SLCO2B1: variants seen among roughly 807,000 people sequenced by gnomAD.
SLCO2B1 encodes the protein OATP-RP2.
In SLCO2B1, 41 loss-of-function variants were observed where a neutral mutation model predicts 67.3. The observed-to-expected ratio is 0.61, with a 90% CI of 0.47 to 0.79. The LOEUF is 0.79. SLCO2B1 is among the 30% of genes least tolerant of loss of function. SLCO2B1 has a pLI of 0.00. For synonymous variants in SLCO2B1, 379 were observed against 381.4 expected (o/e 0.99, Z 0.07); for missense variants, 837 against 920.1 (o/e 0.91, Z 1.17).
Position 75,204,570 on chromosome 11 carries a change from C to G in SLCO2B1, c.2120C>G (p.Ser707Cys). Residue 707 changes from serine (S) to cysteine (C), a missense_variant, in exon 14 of 14, where the codon TCC (serine) becomes TGC (cysteine). Transcript: ENST00000289575. ...GGGCCAGGGAAGAAGCCAGAGGATT[C>G]CCGAGTGTGAGCTGTCTTGGGGCCC... is the stretch of plus-strand genomic sequence containing the variant. The part of the protein sequence containing the change: ...VSGPGKKPED[S>C]RV The G allele has an allele frequency of 6.2e-7, 1 of 1,608,842 alleles. No homozygotes were observed. Among genetic ancestry groups the G allele is most frequent in the Non-Finnish European group, 8.5e-7 (1 of 1,177,970 alleles).
rs1945048660 is a variant in SLCO2B1 at position 75,193,140 on chromosome 11, T to G, written c.1076-78T>G. 1 of 1,045,906 alleles carries G rather than the reference T, an allele frequency of 9.6e-7. No homozygotes were observed. The highest frequency in any genetic ancestry group is 1.4e-6 in the Non-Finnish European group (1 of 715,164). The allele number at this position is 1,045,906 out of a possible 1,614,324, so 64.8% of individuals were successfully genotyped here. On this transcript the variant is annotated intron_variant, in intron 8 of 13. Coordinates refer to ENST00000289575, the MANE Select transcript of SLCO2B1 (RefSeq NM_007256.5). This position sits in a 1 kb window ranked among gnomAD's most constrained non-coding sequence, Gnocchi z 4.2. ...TTAGAAGAAATGGAACTGCTTGAAC[T>G]GAGCAGGGCAGGAGGGCAGTCTCTG...
intron 1 of SLCO2B1, among the ~76,000 whole-genome samples, chr11:75,161,804 C>A (rs532824481): frequency 6.6e-4 from 101 of 152,236 alleles, no homozygotes; most frequent in African/African-American, 2.3e-3. Flanking sequence ...GACTTCTGGG[C>A]TCCCCACTGA....
In SLCO2B1 at chr11:75,188,284, T is replaced by C. The variant is rs75016939; in HGVS notation, c.1075+46T>C. 74 of 1,266,052 alleles carry C rather than the reference T, an allele frequency of 5.8e-5. No homozygotes were observed. In the Admixed American group the frequency reaches 1.2e-3, roughly 21 times the overall value. 78.4% of individuals were successfully genotyped at this position (1,266,052 alleles called of 1,614,324 possible). On this transcript the variant is annotated intron_variant, in intron 8 of 13. Coordinates refer to ENST00000289575, the MANE Select transcript of SLCO2B1 (RefSeq NM_007256.5). ...TTATGGGGAGCCAGGGCCAGAGGGG[T>C]CTTCGAGATTGTCAGGATCCAGTCC...
chr11:75,191,261 C>G (rs1754295668), intron 8 of SLCO2B1, among the ~76,000 whole-genome samples: 1 of 152,160 alleles, frequency 6.6e-6, no homozygotes, highest in Non-Finnish European at 1.5e-5. Context: ...TCTCTAGACT[C>G]TACCATGCAG....
intron 10 of SLCO2B1, among the ~76,000 whole-genome samples, chr11:75,197,508 T>C (rs912192166): frequency 6.6e-6 from 1 of 152,178 alleles, no homozygotes; most frequent in Admixed American, 6.5e-5. Flanking sequence ...CAAGGGTTCA[T>C]GAAGGGAAGG....
chr11:75,173,283 T>C lies in SLCO2B1; in HGVS notation c.972+714T>C, dbSNP rs576275042. ...GAAGACTTCCCTGAAGAGGAGGGAT[T>C]TCAGCTGGACTTTGAAGGATTTGTG... On this transcript the variant is annotated intron_variant, in intron 7 of 13. Coordinates refer to ENST00000289575, the MANE Select transcript of SLCO2B1 (RefSeq NM_007256.5). Among the ~76,000 whole-genome samples, 3 of 152,288 alleles carry C rather than the reference T, an allele frequency of 2.0e-5. No individual in the cohort carries two copies. In the East Asian group the frequency reaches 5.8e-4, roughly 29 times the overall value.
At chr11:75,176,928 C>G (rs1015708385) in intron 7 of SLCO2B1, among the ~76,000 whole-genome samples, 1 of 152,206 alleles carries the variant, frequency 6.6e-6, no homozygotes, top group Non-Finnish European at 1.5e-5. Flanking sequence ...AGAGGTTGGA[C>G]AGCACCACGG....
chr11:75,198,733 G>T (rs946698894), intron 10 of SLCO2B1, among the ~76,000 whole-genome samples: 1 of 152,310 alleles, frequency 6.6e-6, no homozygotes, highest in South Asian at 2.1e-4. Flanking sequence ...CTGCCTCCTT[G>T]GATTGTGAAC....
chr11:75,194,573 C>A (rs1246946818), intron 9 of SLCO2B1, among the ~76,000 whole-genome samples: 8 of 149,776 alleles, frequency 5.3e-5, no homozygotes. Flanking sequence ...CCCTTTCATT[C>A]TCTGCCCCTC....
intron 11 of SLCO2B1, 28 bp downstream of exon 11, chr11:75,200,415 G>A: frequency 5.1e-6 from 8 of 1,556,778 alleles, no homozygotes; most frequent in Middle Eastern, 1.7e-4. Flanking sequence ...GCAGGGGCAG[G>A]TGGATACCAG....
intron 10 of SLCO2B1, among the ~76,000 whole-genome samples, chr11:75,198,640 G>C (rs1302012360): frequency 6.6e-6 from 1 of 152,234 alleles, no homozygotes; most frequent in Non-Finnish European, 1.5e-5. Flanking sequence ...TTTAGGTGCA[G>C]TATTTGGAGG....
At chr11:75,178,292 G>A (rs570117881) in intron 7 of SLCO2B1, among the ~76,000 whole-genome samples, 1 of 152,036 alleles carries the variant, frequency 6.6e-6, no homozygotes, top group Admixed American at 6.5e-5. Flanking sequence ...TCTGCATCTC[G>A]GGGTCTTTAT....
chr11:75,179,582 T>A (rs926436853), intron 7 of SLCO2B1, among the ~76,000 whole-genome samples: 4 of 152,146 alleles, frequency 2.6e-5, no homozygotes, highest in Admixed American at 2.0e-4. Flanking sequence ...TATATCAGGG[T>A]AAATGGGGTA....
intron 7 of SLCO2B1, among the ~76,000 whole-genome samples, chr11:75,178,967 A>C (rs1375753706): frequency 6.6e-6 from 1 of 152,216 alleles, no homozygotes; most frequent in African/African-American, 2.4e-5. Context: ...AAAGCCAAAT[A>C]GTATTCCATT....
At position 75,204,881 on chromosome 11, in the gene SLCO2B1, T is replaced by G; in HGVS notation, c.*301T>G. The G allele has an allele frequency of 4.7e-6, 1 of 213,866 alleles. No individual in the cohort carries two copies. Among genetic ancestry groups the G allele is most frequent in the Non-Finnish European group, 9.2e-6 (1 of 108,440 alleles). 13.2% of individuals were successfully genotyped at this position (213,866 alleles called of 1,614,324 possible). On this transcript the variant is annotated 3_prime_UTR_variant, in exon 14 of 14. Transcript: ENST00000289575. ...TTCCTGGGTGGAAAGAAGTATACCTTTCCCTGGGGCCCTAGGATAGCAAAG... is the reference window on the plus strand; with the variant it reads ...TTCCTGGGTGGAAAGAAGTATACCTGTCCCTGGGGCCCTAGGATAGCAAAG...
intron 2 of SLCO2B1, among the ~76,000 whole-genome samples, chr11:75,163,392 G>A (rs561277488): frequency 2.0e-4 from 31 of 152,250 alleles, no homozygotes; most frequent in African/African-American, 7.2e-4. Context: ...GGCAGGTTGC[G>A]ATGTTTGGGG....
chr11:75,155,426 C>T (rs1234002348), intron 1 of SLCO2B1, among the ~76,000 whole-genome samples: 1 of 151,932 alleles, frequency 6.6e-6, no homozygotes, highest in Non-Finnish European at 1.5e-5. Flanking sequence ...CCAGCCTTCT[C>T]TTCCCCTTCA....
At position 75,196,548 on chromosome 11, in the gene SLCO2B1, A is replaced by G. The variant is rs114413167; in HGVS notation, c.1468A>G (p.Met490Val). The change falls in exon 10 of 14, where the codon ATG becomes GTG. Residue 490 changes from methionine to valine, a missense_variant. By Grantham distance (21) the Met-to-Val change is conservative (BLOSUM62 1). Transcript: ENST00000289575. ...TGGGCTGGAGCTGTCTCCAAGCTGC[A>G]TGGAGGCCTGCTCCTGCCCATTGGA... ...HPGLELSPSC[M>V]EACSCPLDGF... 170 of 1,614,040 alleles carry G rather than the reference A, an allele frequency of 1.1e-4. No individual in the cohort carries two copies. In the African/African-American group the frequency reaches 1.9e-3, roughly 18 times the overall value.
intron 1 of SLCO2B1, 53 bp from the exon 2 acceptor site, chr11:75,162,602 G>A (rs1591810432): frequency 2.5e-6 from 4 of 1,581,882 alleles, no homozygotes; most frequent in Non-Finnish European, 3.4e-6. Context: ...ATCAGGTCAG[G>A]GCCATTCTCG....
Sources: allele counts gnomAD v4.1 joint callset (sites outside exome capture counted in the v4.1 genomes callset), GRCh38; gene constraint gnomAD v4.1.1; non-coding constraint Gnocchi (gnomAD v3.1); transcripts MANE v1.5; gene names NCBI Gene and HGNC (gene_info 2026-07-23, HGNC 2026-07-21).